Variants in MED13 observed in about 807,000 individuals in gnomAD.
MED13 encodes mediator of RNA polymerase II transcription subunit 13.
MED13 carries 23 observed loss-of-function variants against 225.2 expected under a neutral mutation model. The observed-to-expected ratio is 0.10, with a 90% confidence interval of 0.07 to 0.14. The LOEUF is 0.14. Among genes scored for constraint, MED13 ranks in the 10% least tolerant of loss-of-function variants. The pLI is 1.00. For synonymous variants in MED13, 942 were observed against 889.2 expected (o/e 1.06, Z -1.06); for missense variants, 2,197 against 2,594.5 (o/e 0.85, Z 3.33).
At chr17:61,987,783 T>G (rs2080260997) in intron 11 of MED13, among the ~76,000 whole-genome samples, 2 of 152,116 alleles carry the variant, frequency 1.3e-5, no homozygotes, top group Admixed American at 1.3e-4. Flanking sequence ...GGGGTCTCGC[T>G]CTGTCACCAC....
chr17:62,026,150 T>C (rs1237953261), intron 8 of MED13, among the ~76,000 whole-genome samples: 2 of 152,218 alleles, frequency 1.3e-5, no homozygotes, highest in Non-Finnish European at 2.9e-5. Flanking sequence ...CAAAAGCCTA[T>C]GATCTATGTT....
At chr17:61,971,050 C>T (rs1300503690) in intron 17 of MED13, among the ~76,000 whole-genome samples, 1 of 151,806 alleles carries the variant, frequency 6.6e-6, no homozygotes, top group Non-Finnish European at 1.5e-5. Flanking sequence ...AATAAAAATA[C>T]ACCCATGCTT....
rs890716481 is a variant in MED13, at chr17:61,984,385, T to C, written c.2692-18A>G. ...GAAAAATCCTACAATATAAAGATGG[T>C]AGGTTTTCAGTATCTTATCTTCTAG... On this transcript the variant is annotated intron_variant, in intron 14 of 29. Transcript: ENST00000397786. 7.9e-6 allele frequency: 12 copies of C among 1,512,890 alleles called. No homozygotes were observed. The highest frequency in any genetic ancestry group is 1.1e-5 in the Non-Finnish European group (12 of 1,131,298). The allele number at this position is 1,512,890 out of a possible 1,614,324, so 93.7% of individuals were successfully genotyped here.
chr17:61,967,839 C>T (rs1215743522), intron 18 of MED13, among the ~76,000 whole-genome samples, 196 bp downstream of exon 18: 1 of 152,050 alleles, frequency 6.6e-6, no homozygotes, highest in Non-Finnish European at 1.5e-5. Flanking sequence ...GGGGGATAGC[C>T]ACTCTGACCC....
chr17:62,060,579 C>T (rs567900280), intron 2 of MED13, among the ~76,000 whole-genome samples: 7 of 147,680 alleles, frequency 4.7e-5, no homozygotes, highest in African/African-American at 1.2e-4. Flanking sequence ...GCAAGCTCCA[C>T]TGCACTCAGA....
At chr17:62,035,109 A>G (rs1320712211) in intron 4 of MED13, among the ~76,000 whole-genome samples, 1 of 152,144 alleles carries the variant, frequency 6.6e-6, no homozygotes, top group Non-Finnish European at 1.5e-5. Context: ...CGACAGAGCG[A>G]AACTCCGTCT....
intron 9 of MED13, among the ~76,000 whole-genome samples, chr17:62,000,475 T>G (rs953775042): frequency 6.6e-6 from 1 of 152,220 alleles, no homozygotes; most frequent in African/African-American, 2.4e-5. Context: ...TGTACATAGC[T>G]AAAGTCATGT....
chr17:62,021,508 C>T (rs2080647053), intron 8 of MED13, among the ~76,000 whole-genome samples: 2 of 152,178 alleles, frequency 1.3e-5, no homozygotes, highest in Non-Finnish European at 2.9e-5. Context: ...AGAGGCGCCC[C>T]TCACCTCCCG....
chr17:61,979,101 C>T (rs1291608675), intron 16 of MED13, among the ~76,000 whole-genome samples: 1 of 152,108 alleles, frequency 6.6e-6, no homozygotes, highest in Admixed American at 6.6e-5. Flanking sequence ...TTTAGTTGTG[C>T]TTGTTTCAAA....
intron 3 of MED13, among the ~76,000 whole-genome samples, chr17:62,048,427 A>G (rs1004684106): frequency 2.7e-5 from 4 of 150,868 alleles, no homozygotes; most frequent in African/African-American, 9.7e-5. Context: ...AAAAAAGGAA[A>G]GAAAAAGAAA....
intron 9 of MED13, among the ~76,000 whole-genome samples, chr17:61,996,892 A>G (rs191635375): frequency 9.9e-4 from 151 of 152,364 alleles, no homozygotes; most frequent in Middle Eastern, 3.4e-3. Flanking sequence ...TACCTGGTAC[A>G]TAATAGGTGT....
In MED13 at chr17:61,984,257, T is replaced by C. The variant is rs2080229537; in HGVS notation, c.2802A>G (p.Pro934=). The change falls in exon 15 of 30, where the codon CCA becomes CCG. Residue 934 remains proline, a synonymous_variant. Transcript: ENST00000397786. ...PSQYLPPIKL[P]EECIYRQSWT... ...AACTCTGACGGTAAATACACTCTTC[T>C]GGCAATTTGATAGGGGGCAGATATT... The C allele has an allele frequency of 1.2e-6, 2 of 1,612,198 alleles. No individual in the cohort carries two copies. Among genetic ancestry groups the C allele is most frequent in the Non-Finnish European group, 1.7e-6 (2 of 1,179,338 alleles).
chr17:62,033,380 T>C lies in MED13; in HGVS notation c.814+407A>G, dbSNP rs368506890. Among the ~76,000 whole-genome samples the C allele has an allele frequency of 1.8e-4, 27 of 152,304 alleles. 1 individual carries two copies. The South Asian group carries it at 5.6e-3, about 32-fold the overall frequency. ...ACAATTAACTGTCCCATCCTAAGCA[T>C]GCTTCCCTCTAGACAGAATATATTT... On this transcript the variant is annotated intron_variant, in intron 5 of 29. Coordinates refer to ENST00000397786, the MANE Select transcript of MED13 (RefSeq NM_005121.3).
chr17:62,014,635 A>G (rs926279656), intron 8 of MED13, among the ~76,000 whole-genome samples: 1 of 152,110 alleles, frequency 6.6e-6, no homozygotes, highest in Admixed American at 6.6e-5. Context: ...GCTCTTGAGT[A>G]CTTGAATTGT....
chr17:62,020,508 C>G (rs2143636134), intron 8 of MED13, among the ~76,000 whole-genome samples: 1 of 152,184 alleles, frequency 6.6e-6, no homozygotes, highest in African/African-American at 2.4e-5. Context: ...TCCCAAGTAG[C>G]TGGGACTACA....
At chr17:61,970,726 G>A (rs1603394051) in intron 17 of MED13, among the ~76,000 whole-genome samples, 1 of 109,542 alleles carries the variant, frequency 9.1e-6, no homozygotes, top group Non-Finnish European at 1.7e-5. Flanking sequence ...AGTTATTTAG[G>A]TTTTTTTTTT....
intron 19 of MED13, 58 bp downstream of exon 19, chr17:61,966,404 G>C: frequency 1.5e-6 from 2 of 1,332,854 alleles, no homozygotes; most frequent in East Asian, 4.8e-5. Flanking sequence ...AAAACAGCTG[G>C]TGGAGCAGGC....
chr17:61,951,399 A>G (rs1378123540), intron 27 of MED13, among the ~76,000 whole-genome samples: 2 of 152,220 alleles, frequency 1.3e-5, no homozygotes, highest in African/African-American at 2.4e-5. Context: ...ATCTAGCACT[A>G]TCTATAAAAT....
At chr17:61,969,566 G>C (rs1226351436) in intron 17 of MED13, among the ~76,000 whole-genome samples, 4 of 151,964 alleles carry the variant, frequency 2.6e-5, no homozygotes, top group African/African-American at 9.7e-5. Context: ...ACCTTACTAA[G>C]AGCGCAGATC....
Sources: allele counts gnomAD v4.1 joint callset (sites outside exome capture counted in the v4.1 genomes callset), GRCh38; gene constraint gnomAD v4.1.1; transcripts MANE v1.5; gene names NCBI Gene and HGNC (gene_info 2026-07-23, HGNC 2026-07-21).